The following MC1R variants were observed in gnomAD, a reference collection of about 807,000 sequenced individuals.
MC1R encodes melanocortin 1 receptor, also known as melanocyte-stimulating hormone receptor.
For synonymous variants in MC1R, 263 were observed against 203.8 expected, an observed-to-expected ratio of 1.29 and a Z score of -2.47; for missense variants, 542 against 430.0, an observed-to-expected ratio of 1.26 and a Z score of -2.30.
chr16:89,920,604 C>T lies in MC1R; in HGVS notation c.*392C>T, dbSNP rs1221121446. 1.1e-5 allele frequency: 8 copies of T among 695,896 alleles called. No individual in the cohort carries two copies. Among genetic ancestry groups the T allele is most frequent in the South Asian group, 1.1e-4 (7 of 64,556 alleles). 43.1% of individuals were successfully genotyped at this position (695,896 alleles called of 1,614,324 possible). On this transcript the variant is annotated 3_prime_UTR_variant, in exon 1 of 1. Transcript: ENST00000555147. ...TTTGCTGCCAGCTCTCAGGACCGTG[C>T]CCTCGTCAGCTGGGATGTGAAGTCT...
rs894156694 is a variant in MC1R at position 89,918,900 on chromosome 16, G to A, written c.-359G>A. The A allele has an allele frequency of 3.5e-6, 1 of 288,420 alleles. No individual in the cohort carries two copies. Among genetic ancestry groups the A allele is most frequent in the African/African-American group, 2.1e-5 (1 of 47,188 alleles). The allele number at this position is 288,420 out of a possible 1,614,324, so 17.9% of individuals were successfully genotyped here. A position where few individuals can be genotyped will look rare whatever the true frequency, so the allele number is the denominator to read the frequency against. The stretch of plus-strand genomic sequence containing the variant: ...CCTCAGCGCAGCCCTGGCCCAGGAA[G>A]GCAGGAGACAGAGGCCAGGACGGTC... On this transcript the variant is annotated 5_prime_UTR_variant, in exon 1 of 1. Coordinates refer to ENST00000555147, the MANE Select transcript of MC1R (RefSeq NM_002386.4).
Position 89,920,538 on chromosome 16 carries a change from C to G in MC1R, c.*326C>G, listed in dbSNP as rs1041167095. The G allele has an allele frequency of 4.8e-6, 3 of 628,904 alleles. No homozygotes were observed. Among genetic ancestry groups the G allele is most frequent in the Admixed American group, 2.8e-5 (1 of 35,606 alleles). 39.0% of individuals were successfully genotyped at this position (628,904 alleles called of 1,614,324 possible). A position where few individuals can be genotyped will look rare whatever the true frequency, so the allele number is the denominator to read the frequency against. On this transcript the variant is annotated 3_prime_UTR_variant, in exon 1 of 1. Transcript: ENST00000555147. ...TTTTCCGCCCACTCCTGGGACACTC[C>G]GTCTGCTCCAATGACTGAGCAGCAT... is the stretch of plus-strand genomic sequence containing the variant.
Position 89,919,892 on chromosome 16 carries a change from G to T in MC1R, c.634G>T (p.Ala212Ser), listed in dbSNP as rs1567758423. ...GGCCGTGCTGTACGTCCACATGCTG[G>T]CCCGGGCCTGCCAGCACGCCCAGGG... is the stretch of plus-strand genomic sequence containing the variant. ...LMAVLYVHML[A>S]RACQHAQGIA... Residue 212 changes from alanine to serine, a missense_variant, in exon 1 of 1, where the codon GCC becomes TCC. Ala to Ser is a moderately conservative substitution (Grantham distance 99). Coordinates refer to ENST00000555147, the MANE Select transcript of MC1R (RefSeq NM_002386.4). 6.2e-7 allele frequency: 1 copy of T among 1,606,728 alleles called. No individual in the cohort carries two copies. Among genetic ancestry groups the T allele is most frequent in the East Asian group, 2.2e-5 (1 of 44,858 alleles).
In MC1R at chr16:89,920,914, A is replaced by G. The variant is rs2045717150; in HGVS notation, c.*702A>G. 1 of 575,874 alleles carries G rather than the reference A, an allele frequency of 1.7e-6. No homozygotes were observed. The highest frequency in any genetic ancestry group is 3.1e-6 in the Non-Finnish European group (1 of 318,048). The allele number at this position is 575,874 out of a possible 1,614,324, so 35.7% of individuals were successfully genotyped here. A position where few individuals can be genotyped will look rare whatever the true frequency, so the allele number is the denominator to read the frequency against. Reference sequence around the variant, plus strand: ...CTGGCAAATGCCTGACTCAGTGACCAGTGCCTGTGAGCATGGGGCCAGGAA... The same window carrying G: ...CTGGCAAATGCCTGACTCAGTGACCGGTGCCTGTGAGCATGGGGCCAGGAA... On this transcript the variant is annotated 3_prime_UTR_variant, in exon 1 of 1. Transcript: ENST00000555147.
rs767905960 is a variant in MC1R at position 89,919,393 on chromosome 16, C to G, written c.135C>G (p.Phe45Leu). Residue 45 changes from phenylalanine to leucine, a missense_variant, in exon 1 of 1, where the codon TTC becomes TTG. Transcript: ENST00000555147. ...CLEVSISDGL[F>L]LSLGLVSLVE... ...AGGTGTCCATCTCTGACGGGCTCTTCCTCAGCCTGGGGCTGGTGAGCTTGG... is the reference window on the plus strand; with the variant it reads ...AGGTGTCCATCTCTGACGGGCTCTTGCTCAGCCTGGGGCTGGTGAGCTTGG... 2 of 1,613,322 alleles carry G rather than the reference C, an allele frequency of 1.2e-6. No individual in the cohort carries two copies. Among genetic ancestry groups the G allele is most frequent in the Non-Finnish European group, 1.7e-6 (2 of 1,179,870 alleles).
Position 89,919,230 on chromosome 16 carries a change from C to CGACTCCT in MC1R, c.-28_-22dup. ...ACTGTGGGGACCTGGAGGCCTCCAA[C>CGACTCCT]GACTCCTTCCTGCTTCCTGGACAGG... On this transcript the variant is annotated 5_prime_UTR_variant, in exon 1 of 1. Coordinates refer to ENST00000555147, the MANE Select transcript of MC1R (RefSeq NM_002386.4). The CGACTCCT allele has an allele frequency of 6.8e-7, 1 of 1,467,648 alleles. No homozygotes were observed. Among genetic ancestry groups the CGACTCCT allele is most frequent in the South Asian group, 1.3e-5 (1 of 76,802 alleles). 90.9% of individuals were successfully genotyped at this position (1,467,648 alleles called of 1,614,324 possible).
At position 89,919,319 on chromosome 16, in the gene MC1R, A is replaced by G. The variant is rs2144390782; in HGVS notation, c.61A>G (p.Ile21Val). Reference protein sequence around the residue: ...LGSLNSTPTAIPQLGLAANQT... With the variant: ...LGSLNSTPTAVPQLGLAANQT... Reference sequence around the variant, plus strand: ...CTCCCTCAACTCCACCCCCACAGCCATCCCCCAGCTGGGGCTGGCTGCCAA... The same window carrying G: ...CTCCCTCAACTCCACCCCCACAGCCGTCCCCCAGCTGGGGCTGGCTGCCAA... Residue 21 changes from isoleucine to valine, a missense_variant, in exon 1 of 1, where the codon ATC becomes GTC. Coordinates refer to ENST00000555147, the MANE Select transcript of MC1R (RefSeq NM_002386.4). The G allele has an allele frequency of 1.9e-6, 3 of 1,611,780 alleles. No homozygotes were observed. Among genetic ancestry groups the G allele is most frequent in the African/African-American group, 1.3e-5 (1 of 75,016 alleles).
Position 89,919,958 on chromosome 16 carries a change from G to T in MC1R, c.700G>T (p.Gly234Cys). The T allele has an allele frequency of 6.2e-7, 1 of 1,612,432 alleles. No homozygotes were observed. The highest frequency in any genetic ancestry group is 8.5e-7 in the Non-Finnish European group (1 of 1,179,878). The change falls in exon 1 of 1, where the codon GGC becomes TGC. Residue 234 changes from glycine (G) to cysteine (C), a missense_variant. By Grantham distance (159) the Gly-to-Cys change is radical. Coordinates refer to ENST00000555147, the MANE Select transcript of MC1R (RefSeq NM_002386.4). The stretch of plus-strand genomic sequence containing the variant: ...CAAGAGGCAGCGCCCGGTCCACCAG[G>T]GCTTTGGCCTTAAAGGCGCTGTCAC... Reference protein sequence around the residue: ...LHKRQRPVHQGFGLKGAVTLT... With the variant: ...LHKRQRPVHQCFGLKGAVTLT...
Position 89,919,948 on chromosome 16 carries a change from G to C in MC1R, c.690G>C (p.Pro230=). 6.2e-7 allele frequency: 1 copy of C among 1,611,778 alleles called. No homozygotes were observed. The highest frequency in any genetic ancestry group is 1.3e-5 in the African/African-American group (1 of 75,072). Residue 230 remains proline (P), a synonymous_variant, in exon 1 of 1, where the codon CCG becomes CCC. Transcript: ENST00000555147. ...GIARLHKRQR[P]VHQGFGLKGA... is the part of the protein sequence containing the mutation. The stretch of plus-strand genomic sequence containing the variant: ...CCCGGCTCCACAAGAGGCAGCGCCC[G>C]GTCCACCAGGGCTTTGGCCTTAAAG...
Position 89,919,762 on chromosome 16 carries a change from C to G in MC1R, c.504C>G (p.Ile168Met), listed in dbSNP as rs34612847. Reference sequence around the variant, plus strand: ...GGGCGCGGCGAGCCGTTGCGGCCATCTGGGTGGCCAGTGTCGTCTTCAGCA... The same window carrying G: ...GGGCGCGGCGAGCCGTTGCGGCCATGTGGGTGGCCAGTGTCGTCTTCAGCA... ...LPRARRAVAAIWVASVVFSTL... is the reference protein window; with the variant it reads ...LPRARRAVAAMWVASVVFSTL... The change falls in exon 1 of 1, where the codon ATC becomes ATG. Residue 168 changes from isoleucine (I) to methionine (M), a missense_variant. Ile to Met is a conservative substitution (Grantham distance 10). Transcript: ENST00000555147. 97 of 1,608,582 alleles carry G rather than the reference C, an allele frequency of 6.0e-5. No individual in the cohort carries two copies. Among genetic ancestry groups the G allele is most frequent in the Non-Finnish European group, 8.2e-5 (97 of 1,179,842 alleles).
In MC1R at chr16:89,920,063, G is replaced by A. The variant is rs552512218; in HGVS notation, c.805G>A (p.Glu269Lys). ...LHLTLIVLCP[E>K]HPTCGCIFKN... ...TCTCACACTCATCGTCCTCTGCCCC[G>A]AGCACCCCACGTGCGGCTGCATCTT... The change falls in exon 1 of 1, where the codon GAG becomes AAG. Residue 269 changes from glutamate (E) to lysine (K), a missense_variant. Glu to Lys is a moderately conservative substitution (Grantham distance 56). Coordinates refer to ENST00000555147, the MANE Select transcript of MC1R (RefSeq NM_002386.4). 2.0e-5 allele frequency: 32 copies of A among 1,613,760 alleles called. No individual in the cohort carries two copies. In the East Asian group the frequency reaches 2.9e-4, roughly 15 times the overall value.
Position 89,920,801 on chromosome 16 carries a change from G to A in MC1R, c.*589G>A. 1 of 646,140 alleles carries A rather than the reference G, an allele frequency of 1.5e-6. No individual in the cohort carries two copies. The highest frequency in any genetic ancestry group is 2.8e-6 in the Non-Finnish European group (1 of 351,936). The allele number at this position is 646,140 out of a possible 1,614,324, so 40.0% of individuals were successfully genotyped here. On this transcript the variant is annotated 3_prime_UTR_variant, in exon 1 of 1. Coordinates refer to ENST00000555147, the MANE Select transcript of MC1R (RefSeq NM_002386.4). ...GGAGCCCCCCTAGTGGTATGGGGCT[G>A]AGCCCTCCTGAGGGCCGGTTCTAAG...
rs1299812267 is a variant in MC1R, at chr16:89,919,979, G to T, written c.721G>T (p.Val241Phe). The change falls in exon 1 of 1, where the codon GTC becomes TTC. Residue 241 changes from valine (V) to phenylalanine (F), a missense_variant. Transcript: ENST00000555147. ...VHQGFGLKGA[V>F]TLTILLGIFF... The stretch of plus-strand genomic sequence containing the variant: ...CCAGGGCTTTGGCCTTAAAGGCGCT[G>T]TCACCCTCACCATCCTGCTGGGCAT... The T allele has an allele frequency of 6.2e-7, 1 of 1,613,150 alleles. No homozygotes were observed. Among genetic ancestry groups the T allele is most frequent in the African/African-American group, 1.3e-5 (1 of 75,066 alleles).
chr16:89,919,738 G>A lies in MC1R; in HGVS notation c.480G>A (p.Arg160=), dbSNP rs747608998. 1.2e-6 allele frequency: 2 copies of A among 1,606,474 alleles called. No individual in the cohort carries two copies. Among genetic ancestry groups the A allele is most frequent in the East Asian group, 2.2e-5 (1 of 44,880 alleles). The change falls in exon 1 of 1, where the codon CGG becomes CGA. Residue 160 remains arginine, a synonymous_variant. Transcript: ENST00000555147. ...LRYHSIVTLP[R]ARRAVAAIWV... The stretch of plus-strand genomic sequence containing the variant: ...ACCACAGCATCGTGACCCTGCCGCG[G>A]GCGCGGCGAGCCGTTGCGGCCATCT...
chr16:89,919,586 G>T lies in MC1R; in HGVS notation c.328G>T (p.Ala110Ser), dbSNP rs955243060. The change falls in exon 1 of 1, where the codon GCT becomes TCT. Residue 110 changes from alanine to serine, a missense_variant. By Grantham distance (99) the Ala-to-Ser change is moderately conservative. Transcript: ENST00000555147. ...GGAGGCCGGTGCACTGGTGGCCCGG[G>T]CTGCGGTGCTGCAGCAGCTGGACAA... ...LLEAGALVARAAVLQQLDNVI... is the reference protein window; with the variant it reads ...LLEAGALVARSAVLQQLDNVI... 6.2e-7 allele frequency: 1 copy of T among 1,609,972 alleles called. No homozygotes were observed. The highest frequency in any genetic ancestry group is 8.5e-7 in the Non-Finnish European group (1 of 1,179,780).
rs34209185 is a variant in MC1R at position 89,919,807 on chromosome 16, C to T, written c.549C>T (p.Tyr183=). The change falls in exon 1 of 1, where the codon TAC becomes TAT. Residue 183 remains tyrosine, a synonymous_variant. Coordinates refer to ENST00000555147, the MANE Select transcript of MC1R (RefSeq NM_002386.4). ...TCAGCACGCTCTTCATCGCCTACTACGACCACGTGGCCGTCCTGCTGTGCC... is the reference window on the plus strand; with the variant it reads ...TCAGCACGCTCTTCATCGCCTACTATGACCACGTGGCCGTCCTGCTGTGCC... ...VVFSTLFIAY[Y]DHVAVLLCLV... The T allele has an allele frequency of 1.2e-5, 19 of 1,607,472 alleles. No homozygotes were observed. In the Admixed American group the frequency reaches 1.3e-4, roughly 11 times the overall value.
In MC1R at chr16:89,919,760, A is replaced by G. The variant is rs1226049313; in HGVS notation, c.502A>G (p.Ile168Val). The G allele has an allele frequency of 1.2e-6, 2 of 1,608,598 alleles. No homozygotes were observed. The highest frequency in any genetic ancestry group is 8.5e-7 in the Non-Finnish European group (1 of 1,179,816). Residue 168 changes from isoleucine (I) to valine (V), a missense_variant, in exon 1 of 1, where the codon ATC becomes GTC. Ile to Val is a conservative substitution (Grantham distance 29). Transcript: ENST00000555147. ...GCGGGCGCGGCGAGCCGTTGCGGCCATCTGGGTGGCCAGTGTCGTCTTCAG... is the reference window on the plus strand; with the variant it reads ...GCGGGCGCGGCGAGCCGTTGCGGCCGTCTGGGTGGCCAGTGTCGTCTTCAG... ...LPRARRAVAA[I>V]WVASVVFSTL... is the part of the protein sequence containing the mutation.
In MC1R at chr16:89,919,707, T is replaced by A; in HGVS notation, c.449T>A (p.Leu150Gln). The change falls in exon 1 of 1, where the codon CTG becomes CAG. Residue 150 changes from leucine to glutamine, a missense_variant. Physicochemically the swap from Leu to Gln is moderately radical, Grantham distance 113. Coordinates refer to ENST00000555147, the MANE Select transcript of MC1R (RefSeq NM_002386.4). ...VDRYISIFYA[L>Q]RYHSIVTLPR... ...CGCTACATCTCCATCTTCTACGCACTGCGCTACCACAGCATCGTGACCCTG... is the reference window on the plus strand; with the variant it reads ...CGCTACATCTCCATCTTCTACGCACAGCGCTACCACAGCATCGTGACCCTG... The A allele has an allele frequency of 6.2e-7, 1 of 1,606,432 alleles. No homozygotes were observed. The highest frequency in any genetic ancestry group is 2.2e-5 in the East Asian group (1 of 44,878).
chr16:89,920,130 C>A lies in MC1R; in HGVS notation c.872C>A (p.Ala291Asp), dbSNP rs1555623912. 7 of 1,613,916 alleles carry A rather than the reference C, an allele frequency of 4.3e-6. No individual in the cohort carries two copies. The highest frequency in any genetic ancestry group is 3.3e-5 in the South Asian group (3 of 91,080). Residue 291 changes from alanine to aspartate, a missense_variant, in exon 1 of 1, where the codon GCC becomes GAC. Transcript: ENST00000555147. ...TTTCTCGCCCTCATCATCTGCAATG[C>A]CATCATCGACCCCCTCATCTACGCC... ...NLFLALIICN[A>D]IIDPLIYAFH...
Sources: allele counts gnomAD v4.1 joint callset, GRCh38; gene constraint gnomAD v4.1.1; transcripts MANE v1.5; gene names NCBI Gene and HGNC (gene_info 2026-07-23, HGNC 2026-07-21).